PCNX2: variants seen among roughly 807,000 people sequenced by gnomAD.
PCNX2 encodes pecanex-like protein 2.
A neutral mutation model predicts 223.8 loss-of-function variants in PCNX2; 168 were observed. The observed-to-expected ratio is 0.75, with a 90% CI of 0.66 to 0.85. The LOEUF (loss-of-function observed/expected upper bound fraction) is 0.85. PCNX2 is among the 40% of genes least tolerant of loss of function. The pLI is 0.00. For synonymous variants in PCNX2, 1,006 were observed against 1,052.6 expected (o/e 0.96, Z 0.86); for missense variants, 2,507 against 2,675.5 (o/e 0.94, Z 1.39).
At chr1:233,095,685 T>G (rs777575888) in intron 22 of PCNX2, 70 bp downstream of exon 22, 1 of 1,300,090 alleles carries the variant, frequency 7.7e-7, no homozygotes, top group Non-Finnish European at 1.1e-6. Flanking sequence ...TTGCCAGGGG[T>G]CAATGAAAAG....
intron 12 of PCNX2, among the ~76,000 whole-genome samples, chr1:233,217,165 A>G (rs1328430970): frequency 6.6e-6 from 1 of 152,148 alleles, no homozygotes; most frequent in Non-Finnish European, 1.5e-5. Context: ...ATAGTTAATA[A>G]TAATACACTG....
chr1:233,240,358 C>G (rs1309661526), intron 8 of PCNX2, among the ~76,000 whole-genome samples: 1 of 152,098 alleles, frequency 6.6e-6, no homozygotes, highest in Non-Finnish European at 1.5e-5. Flanking sequence ...AAGTTATAGA[C>G]TGTGAGCAGC....
chr1:233,262,877 C>T, intron 2 of PCNX2, 81 bp downstream of exon 2: 1 of 1,368,918 alleles, frequency 7.3e-7, no homozygotes. Flanking sequence ...CTAGTAATTT[C>T]ATAAACACTG....
rs1190294045 is a variant in PCNX2, at chr1:233,016,725, CT to C, written c.4839+195del. 32 of 956,334 alleles carry C rather than the reference CT, an allele frequency of 3.3e-5. No homozygotes were observed. The African/African-American group carries it at 5.5e-4, about 16-fold the overall frequency. 59.2% of individuals were successfully genotyped at this position (956,334 alleles called of 1,614,324 possible). A position where few individuals can be genotyped will look rare whatever the true frequency, so the allele number is the denominator to read the frequency against. ...AAAGGGATCTATATCTTTAAGTGTC[CT>C]TCATTGGAGACATGGTATATTGATT... is the stretch of plus-strand genomic sequence containing the variant. On this transcript the variant is annotated intron_variant, in intron 27 of 33. Transcript: ENST00000258229.
chr1:233,032,401 C>T (rs931966690), intron 25 of PCNX2, among the ~76,000 whole-genome samples: 2 of 152,100 alleles, frequency 1.3e-5, no homozygotes, highest in Non-Finnish European at 2.9e-5. Flanking sequence ...CCGCACCCAG[C>T]CGACAGTTTT....
intron 1 of PCNX2, among the ~76,000 whole-genome samples, chr1:233,290,027 G>T (rs1182763853): frequency 6.6e-6 from 1 of 152,072 alleles, no homozygotes; most frequent in Non-Finnish European, 1.5e-5. Context: ...AGCCTGGGGG[G>T]CGGGGGGAAA....
rs552635381 is a variant in PCNX2, at chr1:232,991,981, A to C, written c.5792-5441T>G. 3.3e-4 allele frequency among the ~76,000 whole-genome samples: 50 copies of C among 152,370 alleles called. 1 individual carries two copies. Among genetic ancestry groups the C allele is most frequent in the African/African-American group, 1.2e-3 (50 of 41,600 alleles). ...ACAACGTGAACTGATTTAAGTTTAA[A>C]TAAAATCACTCTGACTTGCTTTGTG... On this transcript the variant is annotated intron_variant, in intron 32 of 33. Transcript: ENST00000258229. This position sits in a 1 kb window ranked among gnomAD's most constrained non-coding sequence, Gnocchi z 4.3.
intron 1 of PCNX2, among the ~76,000 whole-genome samples, chr1:233,283,681 T>C (rs1055207344): frequency 5.9e-5 from 9 of 151,538 alleles, no homozygotes; most frequent in Non-Finnish European, 1.0e-4. Flanking sequence ...GCAACAAAAC[T>C]ATGAGGACGG....
intron 17 of PCNX2, among the ~76,000 whole-genome samples, chr1:233,164,870 G>T (rs1409963099): frequency 6.6e-6 from 1 of 152,030 alleles, no homozygotes; most frequent in East Asian, 1.9e-4. Flanking sequence ...GTTTGTAGAG[G>T]CTGGGGAGGG....
At chr1:233,200,122 T>G (rs914930825) in intron 14 of PCNX2, 32 bp downstream of exon 14, 9 of 1,481,258 alleles carry the variant, frequency 6.1e-6, no homozygotes, top group Non-Finnish European at 8.3e-6. Context: ...TCTGAATTCC[T>G]TTACAGGAAG....
intron 25 of PCNX2, among the ~76,000 whole-genome samples, chr1:233,029,127 C>G (rs914107196): frequency 6.6e-6 from 1 of 152,100 alleles, no homozygotes; most frequent in African/African-American, 2.4e-5. Flanking sequence ...TGTGAGCCAC[C>G]GTGCCTGGCC....
Position 232,990,393 on chromosome 1 carries a change from C to T in PCNX2, c.5792-3853G>A, listed in dbSNP as rs1476745700. On this transcript the variant is annotated intron_variant, in intron 32 of 33. Transcript: ENST00000258229. The surrounding 1 kb of genome is among the most constrained non-coding windows in gnomAD (Gnocchi z 4.3). ...GAGAGCCTTCTGGATAGTTGAATCA[C>T]ATCTTGGAGGGATTCTGGCCGGGGG... is the stretch of plus-strand genomic sequence containing the variant. 6.6e-6 allele frequency among the ~76,000 whole-genome samples: 1 copy of T among 152,162 alleles called. No individual in the cohort carries two copies. The highest frequency in any genetic ancestry group is 1.5e-5 in the Non-Finnish European group (1 of 68,028).
chr1:233,107,827 T>C, intron 21 of PCNX2, among the ~76,000 whole-genome samples: 1 of 152,186 alleles, frequency 6.6e-6, no homozygotes, highest in Non-Finnish European at 1.5e-5. Context: ...CTGGGCTGCA[T>C]TCCCAGACAC....
At chr1:233,197,950 G>GT (rs892655945) in intron 15 of PCNX2, among the ~76,000 whole-genome samples, 10 of 152,016 alleles carry the variant, frequency 6.6e-5, no homozygotes, top group African/African-American at 1.7e-4. Context: ...CTGTTAAACC[G>GT]TAAGTCCAGA....
At chr1:233,152,188 A>G (rs1677855605) in intron 19 of PCNX2, among the ~76,000 whole-genome samples, 1 of 152,236 alleles carries the variant, frequency 6.6e-6, no homozygotes, top group Non-Finnish European at 1.5e-5. Context: ...GAGAATAATT[A>G]ATAAAGCAGG....
intron 13 of PCNX2, among the ~76,000 whole-genome samples, chr1:233,205,675 C>A (rs987680927): frequency 1.3e-5 from 2 of 150,934 alleles, no homozygotes; most frequent in Non-Finnish European, 3.0e-5. Flanking sequence ...TACTGAGCAA[C>A]AGAGATAGAT....
the PCNX2 span, among the ~76,000 whole-genome samples, chr1:233,322,398 G>A: frequency 1.3e-5 from 2 of 152,184 alleles, no homozygotes; most frequent in South Asian, 2.1e-4. Flanking sequence ...AAATAGCACC[G>A]AAGCAACAAA....
intron 28 of PCNX2, among the ~76,000 whole-genome samples, chr1:233,006,068 A>C (rs777264391): frequency 6.6e-6 from 1 of 152,182 alleles, no homozygotes; most frequent in African/African-American, 2.4e-5. Context: ...ATCATGTGTT[A>C]GGGGAGCAGG....
rs545511322 is a variant in PCNX2, at chr1:233,081,014, T to C, written c.4076+9047A>G. ...ACCCTAGAAAATCAAGGGCAGGTCA[T>C]AGCCTCAAATAGGGATTTCTCAAAT... is the stretch of plus-strand genomic sequence containing the variant. On this transcript the variant is annotated intron_variant, in intron 23 of 33. Transcript: ENST00000258229. Among the ~76,000 whole-genome samples the C allele has an allele frequency of 9.8e-5, 15 of 152,302 alleles. No individual in the cohort carries two copies. The East Asian group carries it at 2.9e-3, about 29-fold the overall frequency.
Sources: gnomAD v4.1 joint callset for allele counts (sites outside exome capture counted in the v4.1 genomes callset) on GRCh38, gnomAD v4.1.1 for gene constraint, Gnocchi (gnomAD v3.1) non-coding constraint, MANE v1.5 for transcripts, NCBI Gene and HGNC (gene_info 2026-07-23, HGNC 2026-07-21) for gene names.